The following ITGA10 variants were observed in gnomAD, a reference collection of about 807,000 sequenced individuals.
The protein encoded by ITGA10 is integrin alpha-10.
In ITGA10, 105 loss-of-function variants were observed where a neutral mutation model predicts 145.2. The ratio of observed to expected loss-of-function variants is 0.72; its 90% CI spans 0.62 to 0.85. The LOEUF (loss-of-function observed/expected upper bound fraction) is 0.85, where lower values mean the gene tolerates loss of function less well. Ranked by LOEUF, ITGA10 falls within the 40% of genes least tolerant of loss-of-function variation. The probability of loss-of-function intolerance (pLI) is 0.00; values close to 1 mark genes in which losing one functional copy is unlikely to be tolerated. For missense variants in ITGA10, 1,317 were observed against 1,444.5 expected (o/e 0.91, Z 1.43); for synonymous variants, 506 against 557.8 (o/e 0.91, Z 1.31).
chr1:145,902,312 A>T lies in ITGA10; in HGVS notation c.1083T>A (p.His361Gln). Residue 361 changes from histidine (H) to glutamine (Q), a missense_variant, in exon 10 of 30, where the codon CAT (histidine) becomes CAA (glutamine). Coordinates refer to ENST00000369304, the MANE Select transcript of ITGA10 (RefSeq NM_003637.5). ...GCCCAAAGGAGCTTTCGTTTTCTGC[A>T]TGGGACCCTTGGTCATGAGAAAACA... is the stretch of plus-strand genomic sequence containing the variant. The part of the protein sequence containing the change: ...GDRIFGLEGS[H>Q]AENESSFGLE... The T allele has an allele frequency of 6.2e-7, 1 of 1,614,152 alleles. No individual in the cohort carries two copies. Among genetic ancestry groups the T allele is most frequent in the South Asian group, 1.1e-5 (1 of 91,086 alleles).
chr1:145,907,544 G>A lies in ITGA10; in HGVS notation c.53-79C>T, dbSNP rs1201787951. 1.1e-5 allele frequency: 18 copies of A among 1,581,946 alleles called. No individual in the cohort carries two copies. In the African/African-American group the frequency reaches 1.4e-4, roughly 12 times the overall value. On this transcript the variant is annotated intron_variant, in intron 1 of 29. Coordinates refer to ENST00000369304, the MANE Select transcript of ITGA10 (RefSeq NM_003637.5). ...AGCCCGAGAGAAGCTGTGAGGAAGCGTCTTAATCTCAGTCTGCCTGCCTGC... is the reference window on the plus strand; with the variant it reads ...AGCCCGAGAGAAGCTGTGAGGAAGCATCTTAATCTCAGTCTGCCTGCCTGC...
chr1:145,905,996 C>T (rs934903665), intron 5 of ITGA10: 13 of 188,862 alleles, frequency 6.9e-5, no homozygotes, highest in Admixed American at 1.6e-4. Flanking sequence ...CTTGGCTCAC[C>T]GCAACCTCCA....
chr1:145,903,172 A>G (rs1553749832), intron 7 of ITGA10, among the ~76,000 whole-genome samples: 2 of 152,192 alleles, frequency 1.3e-5, no homozygotes, highest in African/African-American at 4.8e-5. Flanking sequence ...AAATGTTTGA[A>G]GGTCATAGAA....
chr1:145,898,153 C>T lies in ITGA10; in HGVS notation c.2303G>A (p.Gly768Glu). The change falls in exon 18 of 30, where the codon GGG becomes GAG. Residue 768 changes from glycine to glutamate, a missense_variant. Coordinates refer to ENST00000369304, the MANE Select transcript of ITGA10 (RefSeq NM_003637.5). Reference protein sequence around the residue: ...TFALDNTTKPGPVLNEGSPTS... With the variant: ...TFALDNTTKPEPVLNEGSPTS... ...GGGTGAGCCCTCATTCAGCACAGGC[C>T]CTGGCTTTGTAGTATTGTCCAAGGC... 6.2e-7 allele frequency: 1 copy of T among 1,614,016 alleles called. No homozygotes were observed. Among genetic ancestry groups the T allele is most frequent in the Non-Finnish European group, 8.5e-7 (1 of 1,179,998 alleles).
In ITGA10 at chr1:145,894,943, T is replaced by A. The variant is rs587741294; in HGVS notation, c.3228+337A>T. ...TGATTAAATTTAGGTATCCTGCAAA[T>A]GTTGATTGATACAGCACTAAGGAAT... On this transcript the variant is annotated intron_variant, in intron 27 of 29. Coordinates refer to ENST00000369304, the MANE Select transcript of ITGA10 (RefSeq NM_003637.5). Among the ~76,000 whole-genome samples the A allele has an allele frequency of 2.0e-5, 3 of 152,084 alleles. No homozygotes were observed. In the East Asian group the frequency reaches 5.8e-4, roughly 29 times the overall value.
rs147270843 is a variant in ITGA10, at chr1:145,900,954, G to T, written c.1627C>A (p.Pro543Thr). Residue 543 changes from proline (P) to threonine (T), a missense_variant, in exon 14 of 30, where the codon CCC becomes ACC. Pro to Thr is a conservative substitution (Grantham distance 38, BLOSUM62 -1). Coordinates refer to ENST00000369304, the MANE Select transcript of ITGA10 (RefSeq NM_003637.5). ...AAGCCAAACCGAGCATCCTGGGGGGGTTCTGGCTGAAGTGTTCCTTGGAGG... is the reference window on the plus strand; with the variant it reads ...AAGCCAAACCGAGCATCCTGGGGGGTTTCTGGCTGAAGTGTTCCTTGGAGG... Reference protein sequence around the residue: ...LTLQGTLQPEPPQDARFGFAM... With the variant: ...LTLQGTLQPETPQDARFGFAM... The T allele has an allele frequency of 3.7e-6, 6 of 1,614,036 alleles. No homozygotes were observed. Among genetic ancestry groups the T allele is most frequent in the African/African-American group, 2.7e-5 (2 of 74,900 alleles).
intron 27 of ITGA10, 38 bp downstream of exon 27, chr1:145,895,242 G>A (rs1377454865): frequency 1.7e-5 from 25 of 1,439,586 alleles, no homozygotes; most frequent in South Asian, 5.9e-5. Context: ...TTCCAGAAAG[G>A]AGCAGAAGTG....
In ITGA10 at chr1:145,901,676, C is replaced by T; in HGVS notation, c.1295-12G>A. 1 of 1,550,220 alleles carries T rather than the reference C, an allele frequency of 6.5e-7. No individual in the cohort carries two copies. Among genetic ancestry groups the T allele is most frequent in the Non-Finnish European group, 8.7e-7 (1 of 1,149,816 alleles). On this transcript the variant is annotated splice_polypyrimidine_tract_variant and intron_variant, in intron 11 of 29. Coordinates refer to ENST00000369304, the MANE Select transcript of ITGA10 (RefSeq NM_003637.5). This position sits in a 1 kb window ranked among gnomAD's most constrained non-coding sequence, Gnocchi z 4.3. ...AGAAACAGAGTAACCTAGAAGTGGG[C>T]AAAGTAACAGAGGTAAAGGAAAAGA... is the stretch of plus-strand genomic sequence containing the variant.
intron 4 of ITGA10, 93 bp from the exon 5 acceptor site, chr1:145,906,601 A>T: frequency 1.5e-6 from 2 of 1,300,130 alleles, no homozygotes; most frequent in Admixed American, 1.7e-5. Flanking sequence ...ACTCCCTGAC[A>T]TTACCTACCT....
Position 145,910,032 on chromosome 1 carries a change from C to G in ITGA10, c.-18G>C. 6.2e-7 allele frequency: 1 copy of G among 1,609,902 alleles called. No homozygotes were observed. Among genetic ancestry groups the G allele is most frequent in the Non-Finnish European group, 8.5e-7 (1 of 1,176,682 alleles). ...AGTTCCATGCCTGATCGGTTTCTGT[C>G]CAGTATGAGAAGTCCTCTGGCCTCT... On this transcript the variant is annotated 5_prime_UTR_variant, in exon 1 of 30. Coordinates refer to ENST00000369304, the MANE Select transcript of ITGA10 (RefSeq NM_003637.5).
Position 145,897,331 on chromosome 1 carries a change from GCT to G in ITGA10, c.2581_2582del (p.Ser861ProfsTer36). 1 of 1,614,008 alleles carries G rather than the reference GCT, an allele frequency of 6.2e-7. No homozygotes were observed. The highest frequency in any genetic ancestry group is 1.3e-5 in the African/African-American group (1 of 74,974). On this transcript the variant is annotated frameshift_variant, in exon 21 of 30. Transcript: ENST00000369304. LOFTEE classifies it high-confidence loss of function. ...HLASLTPQRE[S>X]PIKVECAAPS... Reference sequence around the variant, plus strand: ...GGGCGGCACATTCCACCTTTATTGGGCTCTCTCTCTGAGGGCAGGGGAATGGA... The same window carrying G: ...GGGCGGCACATTCCACCTTTATTGGGCTCTCTCTGAGGGCAGGGGAATGGA...
At chr1:145,899,959 T>C in intron 15 of ITGA10, 98 bp downstream of exon 15, 1 of 1,287,758 alleles carries the variant, frequency 7.8e-7, no homozygotes, top group Non-Finnish European at 1.1e-6. Context: ...ACAGAGTAAG[T>C]TGACCAAGAA....
At chr1:145,906,864 C>T (rs1657211777) in intron 3 of ITGA10, 40 bp from the exon 4 acceptor site, 2 of 1,428,670 alleles carry the variant, frequency 1.4e-6, no homozygotes, top group East Asian at 2.3e-5. Context: ...ATCATGGGGT[C>T]ATAGATGGGG....
Position 145,901,710 on chromosome 1 carries a change from T to C in ITGA10, c.1295-46A>G, listed in dbSNP as rs780485786. On this transcript the variant is annotated intron_variant, in intron 11 of 29. Transcript: ENST00000369304. The surrounding 1 kb of genome is among the most constrained non-coding windows in gnomAD (Gnocchi z 4.3). ...AGAGGTAAAGGAAAAGAAGATGGGG[T>C]CCAGAGTAGGGGGGTTCCCTAAAGG... 3.9e-6 allele frequency: 6 copies of C among 1,537,284 alleles called. No individual in the cohort carries two copies. The highest frequency in any genetic ancestry group is 2.3e-5 in the East Asian group (1 of 44,200).
chr1:145,900,322 C>T (rs587687165), intron 14 of ITGA10, 135 bp from the exon 15 acceptor site: 403 of 999,324 alleles, frequency 4.0e-4, no homozygotes, highest in Admixed American at 5.6e-4. Context: ...GGCTGGAGTG[C>T]AATGGTGTGA....
At chr1:145,906,191 A>G (rs1035754637) in intron 5 of ITGA10, 7 of 497,438 alleles carry the variant, frequency 1.4e-5, no homozygotes, top group African/African-American at 1.2e-4. Flanking sequence ...GGCCTCCCAA[A>G]GTGCTAGAAT....
rs781785451 is a variant in ITGA10 at position 145,897,359 on chromosome 1, G to A, written c.2575-20C>T. 8 of 1,612,714 alleles carry A rather than the reference G, an allele frequency of 5.0e-6. No homozygotes were observed. The highest frequency in any genetic ancestry group is 5.9e-6 in the Non-Finnish European group (7 of 1,178,920). ...CTCTCTCTGAGGGCAGGGGAATGGA[G>A]ATAGAAGCTGGAGCTGGGGCTGCAA... On this transcript the variant is annotated intron_variant, in intron 20 of 29. Coordinates refer to ENST00000369304, the MANE Select transcript of ITGA10 (RefSeq NM_003637.5).
rs1213597024 is a variant in ITGA10, at chr1:145,897,530, C to G, written c.2556G>C (p.Leu852=). Residue 852 remains leucine, a synonymous_variant, in exon 20 of 30, where the codon CTG becomes CTC. Coordinates refer to ENST00000369304, the MANE Select transcript of ITGA10 (RefSeq NM_003637.5). ...LSLIFSRNLH[L]ASLTPQRESP... ...AAGGCACCTGAGGAGTGAGACTGGC[C>G]AGGTGGAGGTTTCTAGAGAAGATGA... The G allele has an allele frequency of 4.3e-6, 7 of 1,614,078 alleles. No homozygotes were observed. Among genetic ancestry groups the G allele is most frequent in the Non-Finnish European group, 5.1e-6 (6 of 1,180,010 alleles).
chr1:145,902,402 C>T, intron 9 of ITGA10, 52 bp downstream of exon 9: 1 of 1,610,282 alleles, frequency 6.2e-7, no homozygotes, highest in Non-Finnish European at 8.5e-7. Context: ...AGAGCCCCAC[C>T]TACACTCCAG....
Sources: gnomAD v4.1 joint callset for allele counts (sites outside exome capture counted in the v4.1 genomes callset) on GRCh38, gnomAD v4.1.1 for gene constraint, Gnocchi (gnomAD v3.1) non-coding constraint, MANE v1.5 for transcripts, NCBI Gene and HGNC (gene_info 2026-07-23, HGNC 2026-07-21) for gene names.